Variants in SNTB1 observed in about 807,000 individuals in gnomAD.
SNTB1 encodes the protein syntrophin beta 1, also known as beta-1-syntrophin.
SNTB1 carries 36 observed loss-of-function variants against 48.9 expected under a neutral mutation model. The ratio of observed to expected loss-of-function variants is 0.74; its 90% CI spans 0.56 to 0.97. The LOEUF (loss-of-function observed/expected upper bound fraction) is 0.97, where lower values mean the gene tolerates loss of function less well. SNTB1 is among the 50% of genes least tolerant of loss of function. The pLI, the probability that SNTB1 is intolerant of heterozygous loss-of-function variation, is 0.00. For missense variants in SNTB1, 786 were observed against 703.4 expected, an observed-to-expected ratio of 1.12 and a Z score of -1.33; for synonymous variants, 299 against 294.6, an observed-to-expected ratio of 1.01 and a Z score of -0.15.
intron 1 of SNTB1, among the ~76,000 whole-genome samples, chr8:120,742,510 C>T (rs972260952): frequency 3.9e-5 from 6 of 152,164 alleles, no homozygotes; most frequent in African/African-American, 1.4e-4. Context: ...CAGGATGGCA[C>T]CTGAGCATCC....
intron 3 of SNTB1, among the ~76,000 whole-genome samples, chr8:120,606,422 T>A (rs1363383218): frequency 7.1e-6 from 1 of 140,364 alleles, no homozygotes; most frequent in Non-Finnish European, 1.5e-5. Context: ...TGTGTGTGTG[T>A]GTGTGTGTGT....
chr8:120,734,564 G>A (rs1792579818), intron 1 of SNTB1, among the ~76,000 whole-genome samples: 1 of 152,162 alleles, frequency 6.6e-6, no homozygotes, highest in African/African-American at 2.4e-5. Flanking sequence ...AGACTAAGAA[G>A]TAGGTGTCAT....
intron 1 of SNTB1, among the ~76,000 whole-genome samples, chr8:120,700,245 G>T (rs1156475099): frequency 6.6e-6 from 1 of 151,474 alleles, no homozygotes; most frequent in Non-Finnish European, 1.5e-5. Context: ...CAATTAAGAG[G>T]CTATTGCCTG....
At chr8:120,806,178 G>T (rs777872250) in intron 1 of SNTB1, among the ~76,000 whole-genome samples, 1 of 152,198 alleles carries the variant, frequency 6.6e-6, no homozygotes, top group Non-Finnish European at 1.5e-5. Context: ...CTCCAGAATG[G>T]CAGTTCAGAA....
At chr8:120,697,153 G>T (rs1456772271) in intron 1 of SNTB1, among the ~76,000 whole-genome samples, 1 of 152,196 alleles carries the variant, frequency 6.6e-6, no homozygotes, top group Non-Finnish European at 1.5e-5. Context: ...AAGAAGCATG[G>T]GGAGTATAGC....
In SNTB1 at chr8:120,571,497, T is replaced by TG. The variant is rs1563820293; in HGVS notation, c.1136+3588_1136+3589insC. ...ATTGAGGGTTTTTTTTTTTTTTTTT[T>TG]TTTTTTTTTTTTTTTTTTGAGACAG... On this transcript the variant is annotated intron_variant, in intron 4 of 6. Transcript: ENST00000517992. 86 of 356,938 alleles carry TG rather than the reference T, an allele frequency of 2.4e-4. 3 individuals are homozygous for TG. Among genetic ancestry groups the TG allele is most frequent in the African/African-American group, 2.4e-3 (82 of 34,578 alleles). The allele number at this position is 356,938 out of a possible 1,614,324, so 22.1% of individuals were successfully genotyped here.
At position 120,545,275 on chromosome 8, in the gene SNTB1, C is replaced by T. The variant is rs188517935; in HGVS notation, c.1334-3275G>A. ...AAGAGAATCCCTTGAACCTGGGAGG[C>T]GGAGGTTGCAGGGAGCCGAGATCAT... On this transcript the variant is annotated intron_variant, in intron 5 of 6. Coordinates refer to ENST00000517992, the MANE Select transcript of SNTB1 (RefSeq NM_021021.4). Among the ~76,000 whole-genome samples, 64 of 152,172 alleles carry T rather than the reference C, an allele frequency of 4.2e-4. No homozygotes were observed. The East Asian group carries it at 6.4e-3, about 15-fold the overall frequency.
At chr8:120,804,247 C>T (rs1269486570) in intron 1 of SNTB1, among the ~76,000 whole-genome samples, 1 of 151,536 alleles carries the variant, frequency 6.6e-6, no homozygotes, top group African/African-American at 2.4e-5. Flanking sequence ...TCCCTTTATT[C>T]CTTCCTCTTT....
At chr8:120,809,906 G>A (rs1820397905) in intron 1 of SNTB1, among the ~76,000 whole-genome samples, 1 of 152,206 alleles carries the variant, frequency 6.6e-6, no homozygotes, top group South Asian at 2.1e-4. Flanking sequence ...GAGGTGGACC[G>A]TGACATACCA....
intron 1 of SNTB1, among the ~76,000 whole-genome samples, chr8:120,782,422 T>C (rs535317222): frequency 6.6e-6 from 1 of 152,290 alleles, no homozygotes; most frequent in South Asian, 2.1e-4. Context: ...GAAACCTTTT[T>C]TTAAAAAAAG....
At chr8:120,616,718 A>T (rs897634210) in intron 3 of SNTB1, among the ~76,000 whole-genome samples, 1 of 152,230 alleles carries the variant, frequency 6.6e-6, no homozygotes, top group Non-Finnish European at 1.5e-5. Context: ...GCATAAAGCC[A>T]CTTAAAAAAT....
chr8:120,734,360 T>C (rs1206730101), intron 1 of SNTB1, among the ~76,000 whole-genome samples: 3 of 151,780 alleles, frequency 2.0e-5, no homozygotes, highest in African/African-American at 7.3e-5. Context: ...GGCAGGAGGA[T>C]TGCTTGAACC....
At chr8:120,580,494 T>C (rs1563822768) in intron 3 of SNTB1, among the ~76,000 whole-genome samples, 1 of 152,168 alleles carries the variant, frequency 6.6e-6, no homozygotes, top group Non-Finnish European at 1.5e-5. Flanking sequence ...CTGCCCCAGT[T>C]GCTCACCTCA....
chr8:120,556,536 T>C (rs1479513930), intron 4 of SNTB1, among the ~76,000 whole-genome samples: 1 of 152,194 alleles, frequency 6.6e-6, no homozygotes, highest in Admixed American at 6.5e-5. Flanking sequence ...TCAACAATAA[T>C]AAGTTGGGGA....
chr8:120,732,983 T>C (rs1419787339), intron 1 of SNTB1, among the ~76,000 whole-genome samples: 2 of 152,242 alleles, frequency 1.3e-5, no homozygotes, highest in Non-Finnish European at 2.9e-5. Flanking sequence ...GCAATATTAT[T>C]AGACCATTTT....
chr8:120,758,593 G>A (rs535612596), intron 1 of SNTB1, among the ~76,000 whole-genome samples: 1 of 152,256 alleles, frequency 6.6e-6, no homozygotes, highest in East Asian at 1.9e-4. Flanking sequence ...GATCTGCTGG[G>A]TGGATTTCAC....
At position 120,713,939 on chromosome 8, in the gene SNTB1, T is replaced by G. The variant is rs550948606; in HGVS notation, c.572-20031A>C. ...CTATAAAAATACTCACAATTATTATTTAAAAGAGGAAGCCCAGGAACAAGA... is the reference window on the plus strand; with the variant it reads ...CTATAAAAATACTCACAATTATTATGTAAAAGAGGAAGCCCAGGAACAAGA... On this transcript the variant is annotated intron_variant, in intron 1 of 6. Transcript: ENST00000517992. Among the ~76,000 whole-genome samples, 13 of 152,244 alleles carry G rather than the reference T, an allele frequency of 8.5e-5. 1 individual carries two copies. In the South Asian group the frequency reaches 2.7e-3, roughly 32 times the overall value.
chr8:120,538,747 G>A lies in SNTB1; in HGVS notation c.*130C>T, dbSNP rs567349558. 2.5e-5 allele frequency: 20 copies of A among 787,498 alleles called. No individual in the cohort carries two copies. Among genetic ancestry groups the A allele is most frequent in the Non-Finnish European group, 4.1e-5 (18 of 440,246 alleles). The allele number at this position is 787,498 out of a possible 1,614,324, so 48.8% of individuals were successfully genotyped here. On this transcript the variant is annotated 3_prime_UTR_variant, in exon 7 of 7. Coordinates refer to ENST00000517992, the MANE Select transcript of SNTB1 (RefSeq NM_021021.4). ...AGAGGAGTCTGGGACAGTTACATACGACTCTTGAGAGCTAAAGCTGACTGT... is the reference window on the plus strand; with the variant it reads ...AGAGGAGTCTGGGACAGTTACATACAACTCTTGAGAGCTAAAGCTGACTGT...
chr8:120,618,428 T>G (rs1816747970), intron 3 of SNTB1, among the ~76,000 whole-genome samples: 1 of 152,222 alleles, frequency 6.6e-6, no homozygotes, highest in Non-Finnish European at 1.5e-5. Flanking sequence ...TTACAAATTA[T>G]CTACCTCCCC....
Sources: gnomAD v4.1 joint callset for allele counts (sites outside exome capture counted in the v4.1 genomes callset) on GRCh38, gnomAD v4.1.1 for gene constraint, MANE v1.5 for transcripts, NCBI Gene and HGNC (gene_info 2026-07-23, HGNC 2026-07-21) for gene names.